NRXN1: variants seen among roughly 807,000 people sequenced by gnomAD.
NRXN1 encodes the protein neurexin 1.
A neutral mutation model predicts 150.9 loss-of-function variants in NRXN1; 39 were observed. The ratio of observed to expected loss-of-function variants is 0.26; its 90% CI spans 0.20 to 0.34. The LOEUF (loss-of-function observed/expected upper bound fraction) is 0.34. NRXN1 is among the 10% of genes least tolerant of loss of function. NRXN1 has a pLI of 1.00. For missense variants in NRXN1, 1,815 were observed against 1,949.9 expected (o/e 0.93, Z 1.30); for synonymous variants, 924 against 757.0 (o/e 1.22, Z -3.62).
At chr2:50,959,577 T>C (rs903230797) in intron 2 of NRXN1, among the ~76,000 whole-genome samples, 22 of 152,028 alleles carry the variant, frequency 1.4e-4, no homozygotes, top group African/African-American at 4.8e-4. Flanking sequence ...GATGAATAGA[T>C]GCCAGGAACT....
At chr2:50,180,855 G>T (rs2060665267) in intron 18 of NRXN1, among the ~76,000 whole-genome samples, 1 of 152,132 alleles carries the variant, frequency 6.6e-6, no homozygotes, top group Non-Finnish European at 1.5e-5. Flanking sequence ...AATTGTTGAT[G>T]TGGTAAATTG....
chr2:50,429,384 G>T (rs1376140072), intron 17 of NRXN1, among the ~76,000 whole-genome samples: 1 of 152,066 alleles, frequency 6.6e-6, no homozygotes, highest in African/African-American at 2.4e-5. Context: ...AGCCTCCCGA[G>T]TAGCTGAAAT....
intron 18 of NRXN1, 103 bp from the exon 19 acceptor site, chr2:50,091,597 G>A: frequency 8.4e-7 from 1 of 1,196,410 alleles, no homozygotes; most frequent in South Asian, 1.3e-5. Context: ...TTGGACAACA[G>A]CTGCTTTCCT....
At chr2:50,209,303 T>G (rs546526952) in intron 18 of NRXN1, among the ~76,000 whole-genome samples, 2 of 152,254 alleles carry the variant, frequency 1.3e-5, no homozygotes, top group Middle Eastern at 3.4e-3. Context: ...TATGGCCAAA[T>G]GCCAGAGAGT....
intron 21 of NRXN1, chr2:50,016,550 G>A (rs138291317): frequency 4.1e-4 from 63 of 152,320 alleles, no homozygotes; most frequent in African/African-American, 1.3e-3. Flanking sequence ...CGTGGAAAGG[G>A]AAGCAAACAC....
intron 18 of NRXN1, among the ~76,000 whole-genome samples, chr2:50,225,752 A>C (rs1311466731): frequency 6.6e-6 from 1 of 151,910 alleles, no homozygotes; most frequent in Non-Finnish European, 1.5e-5. Context: ...ACATTTTTTT[A>C]AACTGTGTTT....
chr2:50,872,213 T>G (rs1170986625), intron 5 of NRXN1, among the ~76,000 whole-genome samples: 1 of 151,884 alleles, frequency 6.6e-6, no homozygotes, highest in African/African-American at 2.4e-5. Context: ...AGCCACTATC[T>G]TCACGGAACT....
At chr2:50,037,487 C>G (rs1690220658) in intron 21 of NRXN1, among the ~76,000 whole-genome samples, 1 of 152,084 alleles carries the variant, frequency 6.6e-6, no homozygotes, top group African/African-American at 2.4e-5. Context: ...CCTGGTTTTT[C>G]ATTCTGGGTT....
At chr2:50,987,143 C>T (rs1322539012) in intron 2 of NRXN1, among the ~76,000 whole-genome samples, 1 of 151,816 alleles carries the variant, frequency 6.6e-6, no homozygotes, top group East Asian at 1.9e-4. Context: ...TCAGTCTTAA[C>T]ATTCATTTTA....
intron 5 of NRXN1, among the ~76,000 whole-genome samples, chr2:50,903,155 G>A (rs1298172496): frequency 1.3e-5 from 2 of 152,048 alleles, no homozygotes; most frequent in Non-Finnish European, 2.9e-5. Flanking sequence ...TATTTAGACA[G>A]GGCCAGAACT....
At chr2:50,397,518 A>G (rs751390995) in intron 17 of NRXN1, among the ~76,000 whole-genome samples, 32 of 152,090 alleles carry the variant, frequency 2.1e-4, no homozygotes, top group Non-Finnish European at 3.8e-4. Flanking sequence ...GGTGGGTACT[A>G]TTATTAAGTC....
chr2:50,442,632 A>C (rs970530019), intron 17 of NRXN1, among the ~76,000 whole-genome samples: 10 of 152,160 alleles, frequency 6.6e-5, no homozygotes, highest in African/African-American at 2.4e-4. Flanking sequence ...AAAAATCTGA[A>C]TATGACATGT....
chr2:50,686,221 C>T (rs942274793), intron 5 of NRXN1, among the ~76,000 whole-genome samples: 3 of 152,028 alleles, frequency 2.0e-5, no homozygotes, highest in Admixed American at 1.3e-4. Context: ...AACTGGATGG[C>T]AGAGTGTTTT....
At chr2:50,234,310 G>A (rs13001045) in intron 18 of NRXN1, among the ~76,000 whole-genome samples, 62,445 of 151,806 alleles carry the variant, frequency 0.41, 13,060 homozygotes, top group Middle Eastern at 0.46. Context: ...CCTGGTCAAC[G>A]TAGTGAAAAC....
At chr2:50,467,792 G>C (rs1211824978) in intron 16 of NRXN1, among the ~76,000 whole-genome samples, 3 of 151,308 alleles carry the variant, frequency 2.0e-5, no homozygotes, top group African/African-American at 7.3e-5. Flanking sequence ...TTTCAACTTA[G>C]TTATTTGTAA....
intron 17 of NRXN1, among the ~76,000 whole-genome samples, chr2:50,313,989 A>G (rs919099754): frequency 5.3e-4 from 80 of 152,226 alleles, no homozygotes; most frequent in African/African-American, 1.9e-3. Flanking sequence ...AGTTTAATCA[A>G]TATAATTATT....
chr2:50,802,500 T>A (rs1183449690), intron 5 of NRXN1, among the ~76,000 whole-genome samples: 1 of 88,330 alleles, frequency 1.1e-5, no homozygotes, highest in Non-Finnish European at 2.3e-5. Context: ...GAAAGAGAAA[T>A]GGAAGGAAGG....
intron 12 of NRXN1, among the ~76,000 whole-genome samples, chr2:50,517,629 G>A (rs748469117): frequency 6.6e-6 from 1 of 152,114 alleles, no homozygotes; most frequent in Non-Finnish European, 1.5e-5. Flanking sequence ...TATTTGGACA[G>A]CTTTTTCGCT....
At chr2:50,027,829 C>T (rs1329677629) in intron 21 of NRXN1, among the ~76,000 whole-genome samples, 1 of 152,174 alleles carries the variant, frequency 6.6e-6, no homozygotes, top group African/African-American at 2.4e-5. Flanking sequence ...ACTGTGCTTG[C>T]CACCTAGAAT....
Sources: allele counts gnomAD v4.1 joint callset (sites outside exome capture counted in the v4.1 genomes callset), GRCh38; gene constraint gnomAD v4.1.1; transcripts MANE v1.5; gene names NCBI Gene and HGNC (gene_info 2026-07-23, HGNC 2026-07-21).